Variants in ZNF385D observed in about 807,000 individuals in gnomAD.
ZNF385D encodes the protein zinc finger protein 385D, also known as zinc finger protein 659.
ZNF385D carries 15 observed loss-of-function variants against 35.8 expected under a neutral mutation model. The observed-to-expected ratio is 0.42, with a 90% CI of 0.28 to 0.64. The LOEUF is 0.64. Among genes scored for constraint, ZNF385D ranks in the 30% least tolerant of loss-of-function variants. The pLI, the probability that ZNF385D is intolerant of heterozygous loss-of-function variation, is 0.23. For synonymous variants in ZNF385D, 212 were observed against 186.8 expected, an observed-to-expected ratio of 1.13 and a Z score of -1.10; for missense variants, 474 against 494.6, an observed-to-expected ratio of 0.96 and a Z score of 0.39.
chr3:22,300,657 G>T (rs952054510), intron 2 of ZNF385D, among the ~76,000 whole-genome samples: 4 of 151,730 alleles, frequency 2.6e-5, no homozygotes, highest in Non-Finnish European at 5.9e-5. Flanking sequence ...TCTAAAGAAG[G>T]CATACAAATG....
chr3:21,735,731 G>A (rs903433557), intron 1 of ZNF385D, among the ~76,000 whole-genome samples: 1 of 152,202 alleles, frequency 6.6e-6, no homozygotes, highest in Non-Finnish European at 1.5e-5. Flanking sequence ...GAACTGCAAG[G>A]CATAGTACAA....
At chr3:21,658,198 C>G (rs1401039839) in intron 2 of ZNF385D, among the ~76,000 whole-genome samples, 3 of 151,968 alleles carry the variant, frequency 2.0e-5, no homozygotes, top group African/African-American at 7.2e-5. Context: ...CCTTTATGGA[C>G]TTACACAAAA....
intron 3 of ZNF385D, among the ~76,000 whole-genome samples, chr3:21,895,621 A>T (rs779737772): frequency 6.6e-6 from 1 of 151,210 alleles, no homozygotes; most frequent in South Asian, 2.1e-4. Flanking sequence ...GATTACAGGT[A>T]TGAGCCACCA....
intron 4 of ZNF385D, among the ~76,000 whole-genome samples, chr3:21,489,510 T>C (rs905066521): frequency 4.6e-5 from 7 of 152,098 alleles, no homozygotes; most frequent in African/African-American, 1.7e-4. Flanking sequence ...TGAAAGAAGT[T>C]AGGGGATAGA....
intron 3 of ZNF385D, among the ~76,000 whole-genome samples, chr3:21,885,682 A>T (rs1698502050): frequency 6.6e-6 from 1 of 151,762 alleles, no homozygotes; most frequent in South Asian, 2.1e-4. Context: ...ATTATAATAA[A>T]CATATATATA....
At chr3:21,850,741 C>T (rs75175815) in intron 3 of ZNF385D, among the ~76,000 whole-genome samples, 5,841 of 151,988 alleles carry the variant, frequency 0.038, 391 homozygotes, top group African/African-American at 0.13. Flanking sequence ...TGGGATACTT[C>T]GTTAAGATTC....
chr3:21,932,080 T>C (rs1172773094), intron 3 of ZNF385D, among the ~76,000 whole-genome samples: 2 of 142,416 alleles, frequency 1.4e-5, no homozygotes, highest in Non-Finnish European at 3.0e-5. Context: ...GGCAGGAGAA[T>C]GGTGTGAATC....
At chr3:21,774,025 C>T (rs1175670675) in intron 3 of ZNF385D, among the ~76,000 whole-genome samples, 2 of 151,920 alleles carry the variant, frequency 1.3e-5, no homozygotes, top group Non-Finnish European at 2.9e-5. Flanking sequence ...AACCCAAATG[C>T]CCATCAATGA....
intron 2 of ZNF385D, among the ~76,000 whole-genome samples, chr3:21,615,347 A>G (rs58009608): frequency 0.23 from 31,434 of 135,118 alleles, 4,191 homozygotes; most frequent in African/African-American, 0.39. Flanking sequence ...TGCTGGTGCC[A>G]TGCTTTGTGT....
At chr3:21,752,155 G>A (rs2070133989), upstream of ZNF385D, among the ~76,000 whole-genome samples, 1 of 152,040 alleles carries the variant, frequency 6.6e-6, no homozygotes, top group South Asian at 2.1e-4. Flanking sequence ...AAGGATATTA[G>A]AAAGAAATCC....
chr3:21,889,347 G>T (rs1431710554), intron 3 of ZNF385D, among the ~76,000 whole-genome samples: 1 of 152,152 alleles, frequency 6.6e-6, no homozygotes, highest in Non-Finnish European at 1.5e-5. Flanking sequence ...GGGGAGGTGA[G>T]GCGCCAGACG....
Position 21,693,931 on chromosome 3 carries a change from T to G in ZNF385D, c.23-28903A>C, listed in dbSNP as rs7617499. 1.6e-3 allele frequency among the ~76,000 whole-genome samples: 229 copies of G among 146,362 alleles called. 1 individual carries two copies. Among genetic ancestry groups the G allele is most frequent in the African/African-American group, 5.7e-3 (224 of 39,616 alleles). On this transcript the variant is annotated intron_variant, in intron 1 of 7. Coordinates refer to ENST00000281523, the MANE Select transcript of ZNF385D (RefSeq NM_024697.3). ...AGTCTCACTGTCACCCAGGCTGGAGTGCAGTTGCGCGACCTCGGCTCACTG... is the reference window on the plus strand; with the variant it reads ...AGTCTCACTGTCACCCAGGCTGGAGGGCAGTTGCGCGACCTCGGCTCACTG...
chr3:22,101,655 T>C (rs1576322139), intron 3 of ZNF385D, among the ~76,000 whole-genome samples: 2 of 151,930 alleles, frequency 1.3e-5, no homozygotes, highest in African/African-American at 2.4e-5. Flanking sequence ...AATAGAACAA[T>C]AGGGGCATGT....
chr3:22,267,688 G>T (rs1015875243), intron 2 of ZNF385D, among the ~76,000 whole-genome samples: 6 of 151,692 alleles, frequency 4.0e-5, no homozygotes, highest in Non-Finnish European at 7.4e-5. Flanking sequence ...TGCAAATAAC[G>T]AATCAACTTC....
intron 3 of ZNF385D, among the ~76,000 whole-genome samples, chr3:22,033,399 C>T (rs938392852): frequency 1.5e-5 from 1 of 65,946 alleles, no homozygotes; most frequent in South Asian, 4.9e-4. Context: ...AAGGCTGGCT[C>T]CAAAATAATA....
At chr3:22,253,979 AAAGAAATG>A (rs1700187545) in intron 2 of ZNF385D, among the ~76,000 whole-genome samples, 2 of 152,134 alleles carry the variant, frequency 1.3e-5, no homozygotes, top group South Asian at 4.1e-4. Context: ...CTTTTCCAAG[AAAGAAATG>A]ATAGAAATTT....
intron 3 of ZNF385D, among the ~76,000 whole-genome samples, chr3:21,547,755 T>C (rs1156435847): frequency 2.0e-5 from 3 of 151,964 alleles, no homozygotes; most frequent in Non-Finnish European, 4.4e-5. Flanking sequence ...TAGCTGGGAC[T>C]ACAGGCACCC....
intron 3 of ZNF385D, among the ~76,000 whole-genome samples, chr3:21,556,053 G>A (rs1024218457): frequency 2.7e-5 from 3 of 110,788 alleles, no homozygotes; most frequent in South Asian, 3.2e-4. Flanking sequence ...ACTTTTTGAC[G>A]TTTTTTTTGT....
At chr3:21,925,786 A>T (rs879762169) in intron 3 of ZNF385D, among the ~76,000 whole-genome samples, 7 of 152,138 alleles carry the variant, frequency 4.6e-5, no homozygotes, top group Non-Finnish European at 8.8e-5. Context: ...TGACAGTAAA[A>T]AAAACCCAAG....
Sources: allele counts gnomAD v4.1 joint callset (sites outside exome capture counted in the v4.1 genomes callset), GRCh38; gene constraint gnomAD v4.1.1; transcripts MANE v1.5; gene names NCBI Gene and HGNC (gene_info 2026-07-23, HGNC 2026-07-21).